Variants in ZNF239 observed in about 807,000 individuals in gnomAD.
ZNF239 encodes zinc finger protein (C2H2) homologous to mouse MOK-2.
In ZNF239, 16 loss-of-function variants were observed where a neutral mutation model predicts 27.5. The ratio of observed to expected loss-of-function variants is 0.58; its 90% CI spans 0.39 to 0.88. ZNF239 has a LOEUF of 0.88. Ranked by LOEUF, ZNF239 falls within the 40% of genes least tolerant of loss-of-function variation. The pLI, the probability that ZNF239 is intolerant of heterozygous loss-of-function variation, is 0.00. For missense variants in ZNF239, 527 were observed against 551.9 expected, an observed-to-expected ratio of 0.95 and a Z score of 0.45; for synonymous variants, 199 against 192.6, an observed-to-expected ratio of 1.03 and a Z score of -0.27.
rs1356155130 is a variant in ZNF239, at chr10:43,556,469, A to G, written c.*234T>C. ...GGTAGAACATGTAGTTGAATTGTAA[A>G]GTACAGACACTTTTACTCTACCCAT... On this transcript the variant is annotated 3_prime_UTR_variant, in exon 4 of 4. Transcript: ENST00000374446. 4.0e-6 allele frequency: 2 copies of G among 500,422 alleles called. No individual in the cohort carries two copies. The highest frequency in any genetic ancestry group is 3.8e-5 in the African/African-American group (2 of 52,908). The allele number at this position is 500,422 out of a possible 1,614,324, so 31.0% of individuals were successfully genotyped here.
chr10:43,556,714 C>A lies in ZNF239; in HGVS notation c.1366G>T (p.Asp456Tyr). 1 of 1,613,108 alleles carries A rather than the reference C, an allele frequency of 6.2e-7. No homozygotes were observed. The highest frequency in any genetic ancestry group is 8.5e-7 in the Non-Finnish European group (1 of 1,179,446). Residue 456 changes from aspartate (D) to tyrosine (Y), a missense_variant, in exon 4 of 4, where the codon GAT becomes TAT. Coordinates refer to ENST00000374446, the MANE Select transcript of ZNF239 (RefSeq NM_001099282.2). ...TGGGCTAATGTCAGTTAGCGAGGAT[C>A]TTTCTTGTGAACCCGCTGGTGGATG... is the stretch of plus-strand genomic sequence containing the variant. The part of the protein sequence containing the change: ...LHIHQRVHKK[D>Y]PR
Position 43,562,142 on chromosome 10 carries a change from A to G in ZNF239, c.-92-3971T>C, listed in dbSNP as rs933219849. Among the ~76,000 whole-genome samples, 11 of 152,274 alleles carry G rather than the reference A, an allele frequency of 7.2e-5. 1 individual carries two copies. In the East Asian group the frequency reaches 7.7e-4, roughly 11 times the overall value. ...AAAAAGCTACATCCTCATCTATAATATAGGGAAGTCAATAGAAATTACAAA... is the reference window on the plus strand; with the variant it reads ...AAAAAGCTACATCCTCATCTATAATGTAGGGAAGTCAATAGAAATTACAAA... On this transcript the variant is annotated intron_variant, in intron 3 of 3. Coordinates refer to ENST00000374446, the MANE Select transcript of ZNF239 (RefSeq NM_001099282.2).
At chr10:43,566,368 C>T (rs1384654775) in intron 3 of ZNF239, among the ~76,000 whole-genome samples, 1 of 151,942 alleles carries the variant, frequency 6.6e-6, no homozygotes. Flanking sequence ...CTCACTGCAA[C>T]TCTGCCTTCC....
rs1042432509 is a variant in ZNF239, at chr10:43,557,447, C to A, written c.633G>T (p.Gln211His). 1 of 1,614,140 alleles carries A rather than the reference C, an allele frequency of 6.2e-7. No homozygotes were observed. ...AGCTTTGACTGAAGTTCTTACCACA[C>A]TGACTACATTCGTATTGTTTCTCTG... ...HTAEKQYECSQCGKNFSQSSE... is the reference protein window; with the variant it reads ...HTAEKQYECSHCGKNFSQSSE... The change falls in exon 4 of 4, where the codon CAG (glutamine) becomes CAT (histidine). Residue 211 changes from glutamine (Q) to histidine (H), a missense_variant. By Grantham distance (24) the Gln-to-His change is conservative. Coordinates refer to ENST00000374446, the MANE Select transcript of ZNF239 (RefSeq NM_001099282.2).
At chr10:43,565,262 T>G (rs1485323239) in intron 3 of ZNF239, among the ~76,000 whole-genome samples, 2 of 152,036 alleles carry the variant, frequency 1.3e-5, no homozygotes, top group Non-Finnish European at 2.9e-5. Context: ...TTTTGTATTT[T>G]TAGTAGAGAC....
Position 43,558,066 on chromosome 10 carries a change from A to C in ZNF239, c.14T>G (p.Ile5Ser). 1 of 1,613,592 alleles carries C rather than the reference A, an allele frequency of 6.2e-7. No homozygotes were observed. Among genetic ancestry groups the C allele is most frequent in the South Asian group, 1.1e-5 (1 of 91,014 alleles). Residue 5 changes from isoleucine (I) to serine (S), a missense_variant, in exon 4 of 4, where the codon ATT (isoleucine) becomes AGT (serine). Ile to Ser is a moderately radical substitution (Grantham distance 142). Transcript: ENST00000374446. Reference protein sequence around the residue: MASTITGSQDCIVNH... With the variant: MASTSTGSQDCIVNH... ...CACAATACAATCCTGACTTCCAGTA[A>C]TTGTACTGGCCATGCCTTCCAAAAC...
chr10:43,571,489 A>T lies in ZNF239; in HGVS notation c.-216+2148T>A, dbSNP rs113275015. On this transcript the variant is annotated intron_variant, in intron 2 of 3. Transcript: ENST00000374446. ...TCTGAGATCTCATAGCATCTTTCAC[A>T]TCCCTCTACTATAGCTATTAAGTCT... is the stretch of plus-strand genomic sequence containing the variant. Among the ~76,000 whole-genome samples the T allele has an allele frequency of 1.6e-3, 242 of 152,048 alleles. 1 individual carries two copies. Among genetic ancestry groups the T allele is most frequent in the African/African-American group, 5.5e-3 (227 of 41,440 alleles).
At chr10:43,573,956 T>C (rs914394838) in intron 1 of ZNF239, among the ~76,000 whole-genome samples, 1 of 152,144 alleles carries the variant, frequency 6.6e-6, no homozygotes, top group Non-Finnish European at 1.5e-5. Context: ...CCTCTGACTT[T>C]CCCGATCTCT....
chr10:43,573,782 A>T, intron 1 of ZNF239, 105 bp from the exon 2 acceptor site: 1 of 272,328 alleles, frequency 3.7e-6, no homozygotes, highest in Non-Finnish European at 5.6e-6. Context: ...TTCTTCAGTC[A>T]CTTCCACCCA....
rs1008082274 is a variant in ZNF239 at position 43,556,817 on chromosome 10, G to A, written c.1263C>T (p.His421=). 1.2e-6 allele frequency: 2 copies of A among 1,613,190 alleles called. No homozygotes were observed. Among genetic ancestry groups the A allele is most frequent in the Admixed American group, 1.7e-5 (1 of 59,906 alleles). ...GFSQSSKLLI[H]QRVHTGEKPY... ...GCTTCTCTCCAGTATGTACTCTCTG[G>A]TGGATGAGGAGTTTGGAACTCTGGC... is the stretch of plus-strand genomic sequence containing the variant. Residue 421 remains histidine (H), a synonymous_variant, in exon 4 of 4, where the codon CAC becomes CAT. Coordinates refer to ENST00000374446, the MANE Select transcript of ZNF239 (RefSeq NM_001099282.2).
intron 2 of ZNF239, chr10:43,568,348 A>C: frequency 3.0e-6 from 3 of 985,380 alleles, no homozygotes; most frequent in Non-Finnish European, 3.6e-6. Flanking sequence ...GACAACCTTA[A>C]CACTCGCAGG....
At chr10:43,567,217 A>G (rs1196456262) in intron 3 of ZNF239, among the ~76,000 whole-genome samples, 1 of 152,140 alleles carries the variant, frequency 6.6e-6, no homozygotes. Context: ...AATTTCGATT[A>G]TTTTTGGGAG....
At chr10:43,559,607 T>C (rs1467460642) in intron 3 of ZNF239, among the ~76,000 whole-genome samples, 4 of 152,168 alleles carry the variant, frequency 2.6e-5, no homozygotes, top group Non-Finnish European at 5.9e-5. Flanking sequence ...GAGATATATA[T>C]AGGTCTGGAA....
Position 43,557,697 on chromosome 10 carries a change from G to A in ZNF239, c.383C>T (p.Ala128Val). 1 of 1,614,120 alleles carries A rather than the reference G, an allele frequency of 6.2e-7. No individual in the cohort carries two copies. The highest frequency in any genetic ancestry group is 8.5e-7 in the Non-Finnish European group (1 of 1,180,038). Residue 128 changes from alanine to valine, a missense_variant, in exon 4 of 4, where the codon GCC becomes GTC. Transcript: ENST00000374446. ...VKLVSDGQELASPLLNGEATC... is the reference protein window; with the variant it reads ...VKLVSDGQELVSPLLNGEATC... ...TGCCTCACCATTTAACAATGGCGAG[G>A]CCAGTTCTTGTCCATCAGACACCAG...
rs537903829 is a variant in ZNF239, at chr10:43,567,890, C to G, written c.-93+9G>C. On this transcript the variant is annotated intron_variant, in intron 3 of 3. Coordinates refer to ENST00000374446, the MANE Select transcript of ZNF239 (RefSeq NM_001099282.2). Reference sequence around the variant, plus strand: ...GGGCAGGTGTCCAAGTTCACATGTCCTTACCCACCAAGACCAAGTTTCTGT... The same window carrying G: ...GGGCAGGTGTCCAAGTTCACATGTCGTTACCCACCAAGACCAAGTTTCTGT... 17 of 985,574 alleles carry G rather than the reference C, an allele frequency of 1.7e-5. No individual in the cohort carries two copies. The highest frequency in any genetic ancestry group is 2.0e-5 in the Non-Finnish European group (17 of 829,900). The allele number at this position is 985,574 out of a possible 1,614,324, so 61.1% of individuals were successfully genotyped here. A position where few individuals can be genotyped will look rare whatever the true frequency, so the allele number is the denominator to read the frequency against.
At chr10:43,574,154 C>T (rs1339053255) in intron 1 of ZNF239, among the ~76,000 whole-genome samples, 1 of 152,172 alleles carries the variant, frequency 6.6e-6, no homozygotes, top group Non-Finnish European at 1.5e-5. Flanking sequence ...CCCCGTCCGT[C>T]GCCTAACGTC....
At chr10:43,563,340 T>C (rs1837400267) in intron 3 of ZNF239, among the ~76,000 whole-genome samples, 1 of 151,856 alleles carries the variant, frequency 6.6e-6, no homozygotes, top group Non-Finnish European at 1.5e-5. Context: ...AAAAAAAATA[T>C]GAAGAATGAG....
chr10:43,556,636 G>C lies in ZNF239; in HGVS notation c.*67C>G, dbSNP rs1326055474. On this transcript the variant is annotated 3_prime_UTR_variant, in exon 4 of 4. Coordinates refer to ENST00000374446, the MANE Select transcript of ZNF239 (RefSeq NM_001099282.2). ...CTCCTTTGTAGAATATAAAGTAAGA[G>C]TGATACTAAATATTTAACAGTTTTT... 22 of 1,525,774 alleles carry C rather than the reference G, an allele frequency of 1.4e-5. No individual in the cohort carries two copies. Among genetic ancestry groups the C allele is most frequent in the Non-Finnish European group, 1.9e-5 (22 of 1,131,612 alleles). The allele number at this position is 1,525,774 out of a possible 1,614,324, so 94.5% of individuals were successfully genotyped here.
At chr10:43,574,225 C>A (rs1838212772) in intron 1 of ZNF239, among the ~76,000 whole-genome samples, 1 of 152,234 alleles carries the variant, frequency 6.6e-6, no homozygotes, top group African/African-American at 2.4e-5. Context: ...GCGTGGCCAA[C>A]CACGAAGCCC....
Sources: allele counts gnomAD v4.1 joint callset (sites outside exome capture counted in the v4.1 genomes callset), GRCh38; gene constraint gnomAD v4.1.1; transcripts MANE v1.5; gene names NCBI Gene and HGNC (gene_info 2026-07-23, HGNC 2026-07-21).